DGKB: variants seen among roughly 807,000 people sequenced by gnomAD.
DGKB encodes the protein diacylglycerol kinase beta.
A neutral mutation model predicts 114.3 loss-of-function variants in DGKB; 67 were observed. The observed-to-expected ratio is 0.59, with a 90% confidence interval of 0.48 to 0.72. DGKB has a LOEUF of 0.72. DGKB is among the 30% of genes least tolerant of loss of function. DGKB has a pLI of 0.00. For synonymous variants in DGKB, 398 were observed against 323.1 expected, an observed-to-expected ratio of 1.23 and a Z score of -2.49; for missense variants, 907 against 975.2, an observed-to-expected ratio of 0.93 and a Z score of 0.93.
intron 21 of DGKB, among the ~76,000 whole-genome samples, chr7:14,468,945 G>A (rs1035755638): frequency 7.9e-5 from 12 of 151,742 alleles, no homozygotes; most frequent in African/African-American, 2.7e-4. Context: ...CAAAATCAAG[G>A]GGAAAATATT....
At chr7:14,680,819 C>A (rs940077101) in intron 12 of DGKB, among the ~76,000 whole-genome samples, 4 of 151,798 alleles carry the variant, frequency 2.6e-5, no homozygotes, top group African/African-American at 9.7e-5. Flanking sequence ...TTAGAAAAGG[C>A]AGCAATGCAT....
chr7:14,680,681 A>G (rs1425550310), intron 12 of DGKB, among the ~76,000 whole-genome samples: 1 of 152,064 alleles, frequency 6.6e-6, no homozygotes, highest in Non-Finnish European at 1.5e-5. Flanking sequence ...ACCACTAGCA[A>G]TGGTAACTTT....
chr7:14,838,486 A>C (rs375420228), intron 2 of DGKB, among the ~76,000 whole-genome samples: 5 of 152,230 alleles, frequency 3.3e-5, no homozygotes, highest in African/African-American at 1.2e-4. Flanking sequence ...ATATCACCAT[A>C]ATCCCTTCTT....
chr7:14,323,705 G>A (rs534307510), intron 23 of DGKB, among the ~76,000 whole-genome samples: 58 of 152,284 alleles, frequency 3.8e-4, no homozygotes, highest in African/African-American at 1.2e-3. Context: ...ATGAGTATCC[G>A]AAAGCCTACT....
intron 5 of DGKB, among the ~76,000 whole-genome samples, chr7:14,728,251 T>C (rs1417876449): frequency 6.6e-6 from 1 of 152,236 alleles, no homozygotes; most frequent in Non-Finnish European, 1.5e-5. Flanking sequence ...GACCCTTTTA[T>C]ACCGTCAGCC....
At chr7:14,670,367 A>G (rs1056023222) in intron 13 of DGKB, among the ~76,000 whole-genome samples, 4 of 151,578 alleles carry the variant, frequency 2.6e-5, no homozygotes, top group Admixed American at 6.6e-5. Flanking sequence ...CAGTGATGCA[A>G]TCTTGGCTCA....
rs147750009 is a variant in DGKB, at chr7:14,185,542, A to G, written c.2123-7391T>C. ...TTCTAAAAATCATATAGAACCAAAAAAGAGCCCACATAGACAAAGCAAGAC... is the reference window on the plus strand; with the variant it reads ...TTCTAAAAATCATATAGAACCAAAAGAGAGCCCACATAGACAAAGCAAGAC... On this transcript the variant is annotated intron_variant, in intron 23 of 25. Transcript: ENST00000402815. Among the ~76,000 whole-genome samples, 531 of 152,264 alleles carry G rather than the reference A, an allele frequency of 3.5e-3. 1 individual carries two copies. The highest frequency in any genetic ancestry group is 0.012 in the African/African-American group (500 of 41,560).
rs533644875 is a variant in DGKB at position 14,217,970 on chromosome 7, A to C, written c.2123-39819T>G. Among the ~76,000 whole-genome samples the C allele has an allele frequency of 1.5e-3, 224 of 152,242 alleles. 1 individual carries two copies. The highest frequency in any genetic ancestry group is 5.2e-3 in the African/African-American group (216 of 41,582). On this transcript the variant is annotated intron_variant, in intron 23 of 25. Transcript: ENST00000402815. ...TTTGTAAATAAACCCTTCTGAGGAC[A>C]TCCTAACTTGTTTGTTTCCTAGTAG...
chr7:14,657,879 T>G (rs1334985989), intron 13 of DGKB, among the ~76,000 whole-genome samples: 6 of 151,904 alleles, frequency 3.9e-5, no homozygotes, highest in Non-Finnish European at 7.4e-5. Context: ...AAAAGTCAGA[T>G]GAAAAAATCT....
chr7:14,260,087 TACACAC>T (rs60392482), intron 23 of DGKB, among the ~76,000 whole-genome samples: 7 of 150,900 alleles, frequency 4.6e-5, no homozygotes, highest in African/African-American at 9.7e-5. Flanking sequence ...TACATATGTG[TACACAC>T]ACACACACAC....
In DGKB at chr7:14,785,124, A is replaced by G. The variant is rs566937547; in HGVS notation, c.71-27393T>C. 5.9e-5 allele frequency among the ~76,000 whole-genome samples: 9 copies of G among 152,198 alleles called. No individual in the cohort carries two copies. The East Asian group carries it at 1.5e-3, about 26-fold the overall frequency. ...ATGAACAATTTTATCTGTATTTTTC[A>G]TTTCCCCTTGACATTTTACACTTAT... On this transcript the variant is annotated intron_variant, in intron 2 of 25. Transcript: ENST00000402815.
At chr7:14,778,246 G>A (rs1838513028) in intron 2 of DGKB, among the ~76,000 whole-genome samples, 1 of 152,150 alleles carries the variant, frequency 6.6e-6, no homozygotes, top group Non-Finnish European at 1.5e-5. Context: ...TATTTTATCT[G>A]TAAATAAAGA....
At chr7:14,700,276 C>T (rs866043754) in intron 7 of DGKB, among the ~76,000 whole-genome samples, 26 of 150,080 alleles carry the variant, frequency 1.7e-4, no homozygotes, top group Middle Eastern at 3.4e-3. Flanking sequence ...TGCAGTGGCA[C>T]GATCTCGGCT....
intron 23 of DGKB, among the ~76,000 whole-genome samples, chr7:14,192,591 G>A (rs1240442024): frequency 6.6e-6 from 1 of 152,032 alleles, no homozygotes; most frequent in Non-Finnish European, 1.5e-5. Flanking sequence ...ATTCTTCAGA[G>A]CAGCGGTCCT....
intron 13 of DGKB, among the ~76,000 whole-genome samples, chr7:14,671,893 T>C (rs933557129): frequency 2.6e-5 from 4 of 152,168 alleles, no homozygotes; most frequent in African/African-American, 9.6e-5. Flanking sequence ...TCTCATTTTA[T>C]TTAATTAATC....
intron 1 of DGKB, among the ~76,000 whole-genome samples, chr7:14,924,296 T>G (rs1167836661): frequency 6.6e-6 from 1 of 152,164 alleles, no homozygotes; most frequent in African/African-American, 2.4e-5. Context: ...TTGATTCAGC[T>G]GTCAGTCAAA....
intron 5 of DGKB, among the ~76,000 whole-genome samples, chr7:14,722,951 T>G (rs1194712711): frequency 6.6e-6 from 1 of 152,008 alleles, no homozygotes; most frequent in Non-Finnish European, 1.5e-5. Context: ...CAGACCCTGG[T>G]CCTCAATCTA....
chr7:14,366,204 C>A (rs1816650897), intron 21 of DGKB, among the ~76,000 whole-genome samples: 1 of 152,080 alleles, frequency 6.6e-6, no homozygotes, highest in South Asian at 2.1e-4. Context: ...TGCTAGATTA[C>A]AATTTTAAAC....
intron 19 of DGKB, among the ~76,000 whole-genome samples, chr7:14,574,639 T>C (rs188217788): frequency 6.6e-6 from 1 of 152,294 alleles, no homozygotes; most frequent in Admixed American, 6.5e-5. Flanking sequence ...ACATTTCTAC[T>C]GTATTCCCCA....
Sources: allele counts gnomAD v4.1 joint callset (sites outside exome capture counted in the v4.1 genomes callset), GRCh38; gene constraint gnomAD v4.1.1; transcripts MANE v1.5; gene names NCBI Gene and HGNC (gene_info 2026-07-23, HGNC 2026-07-21).